Variants in FOXJ3 observed in about 807,000 individuals in gnomAD.
FOXJ3 encodes the protein forkhead box J3.
Under a neutral mutation model 76.1 loss-of-function variants are expected in FOXJ3, and 22 were observed. The observed-to-expected ratio is 0.29, with a 90% CI of 0.21 to 0.41. The LOEUF is 0.41. Among genes scored for constraint, FOXJ3 ranks in the 10% least tolerant of loss-of-function variants. The pLI is 1.00. For missense variants in FOXJ3, 613 were observed against 762.1 expected, an observed-to-expected ratio of 0.80 and a Z score of 2.30; for synonymous variants, 269 against 261.2, an observed-to-expected ratio of 1.03 and a Z score of -0.29.
chr1:42,310,510 C>T (rs928040275), intron 2 of FOXJ3, among the ~76,000 whole-genome samples: 28 of 150,064 alleles, frequency 1.9e-4, no homozygotes, highest in Non-Finnish European at 8.9e-5. Context: ...TGCAGTGGCA[C>T]GATCTCAGCT....
chr1:42,206,923 C>T (rs1177273353), intron 5 of FOXJ3, among the ~76,000 whole-genome samples: 2 of 152,026 alleles, frequency 1.3e-5, no homozygotes, highest in African/African-American at 4.8e-5. Flanking sequence ...CTTCACCTCC[C>T]ATGCTCAAGC....
chr1:42,321,261 C>G (rs1238367842), intron 1 of FOXJ3, among the ~76,000 whole-genome samples: 1 of 152,082 alleles, frequency 6.6e-6, no homozygotes, highest in Admixed American at 6.6e-5. Flanking sequence ...ACAACGGTTT[C>G]CTATCATTTG....
chr1:42,211,182 C>G (rs1251525942), intron 5 of FOXJ3, among the ~76,000 whole-genome samples: 1 of 152,150 alleles, frequency 6.6e-6, no homozygotes, highest in Admixed American at 6.5e-5. Context: ...GTAGACACAG[C>G]TGGGGCCTCT....
intron 4 of FOXJ3, among the ~76,000 whole-genome samples, chr1:42,241,263 C>A (rs1649119773): frequency 1.3e-5 from 2 of 152,186 alleles, no homozygotes; most frequent in African/African-American, 4.8e-5. Flanking sequence ...TAAGAACTGC[C>A]TGCAGCTGCA....
intron 6 of FOXJ3, among the ~76,000 whole-genome samples, chr1:42,202,585 A>C (rs1646784096): frequency 6.6e-6 from 1 of 152,198 alleles, no homozygotes. Context: ...AATCTCTTGA[A>C]ATGATAATTG....
At chr1:42,267,931 C>T (rs1349515452) in intron 3 of FOXJ3, among the ~76,000 whole-genome samples, 4 of 151,872 alleles carry the variant, frequency 2.6e-5, no homozygotes, top group Non-Finnish European at 5.9e-5. Flanking sequence ...CAAACAGAGA[C>T]TGGCACATTC....
chr1:42,330,167 A>T (rs1027594714), intron 1 of FOXJ3, among the ~76,000 whole-genome samples: 43 of 152,208 alleles, frequency 2.8e-4, no homozygotes, highest in African/African-American at 9.6e-4. Context: ...GAGTACTTAG[A>T]ACACTTTTAG....
At chr1:42,297,068 G>GT (rs1474649980) in intron 2 of FOXJ3, among the ~76,000 whole-genome samples, 3 of 152,120 alleles carry the variant, frequency 2.0e-5, no homozygotes, top group Non-Finnish European at 4.4e-5. Flanking sequence ...GTGTGTGTGT[G>GT]TGTCTACTGT....
intron 3 of FOXJ3, among the ~76,000 whole-genome samples, chr1:42,274,769 T>G (rs1325047677): frequency 6.6e-6 from 1 of 152,020 alleles, no homozygotes; most frequent in African/African-American, 2.4e-5. Context: ...AACTCTAAGT[T>G]TATAATACTG....
intron 4 of FOXJ3, among the ~76,000 whole-genome samples, chr1:42,231,076 AG>A (rs1273129223): frequency 2.6e-5 from 4 of 152,076 alleles, no homozygotes; most frequent in African/African-American, 9.7e-5. Context: ...ACACTTTGGG[AG>A]GCCAAGGCAG....
intron 3 of FOXJ3, among the ~76,000 whole-genome samples, chr1:42,274,564 C>T (rs1319608336): frequency 6.6e-6 from 1 of 152,160 alleles, no homozygotes; most frequent in East Asian, 1.9e-4. Flanking sequence ...TACTTAACTT[C>T]TCTAATTCTC....
At chr1:42,183,663 T>C (rs1285666640) in intron 11 of FOXJ3, among the ~76,000 whole-genome samples, 1 of 152,024 alleles carries the variant, frequency 6.6e-6, no homozygotes, top group Non-Finnish European at 1.5e-5. Flanking sequence ...AATGTTGTAA[T>C]GAAACTAAAA....
At chr1:42,319,213 A>G (rs1655294006) in intron 1 of FOXJ3, among the ~76,000 whole-genome samples, 2 of 136,128 alleles carry the variant, frequency 1.5e-5, no homozygotes, top group Non-Finnish European at 3.2e-5. Flanking sequence ...TCAGCGACAC[A>G]GCAAGACCCT....
intron 3 of FOXJ3, among the ~76,000 whole-genome samples, chr1:42,266,880 C>T (rs1286394779): frequency 1.8e-4 from 27 of 152,106 alleles, no homozygotes; most frequent in Admixed American, 1.8e-3. Flanking sequence ...AGAATGGAAA[C>T]AAAACCCTGG....
intron 4 of FOXJ3, among the ~76,000 whole-genome samples, chr1:42,247,843 A>C (rs1446302812): frequency 6.6e-6 from 1 of 152,210 alleles, no homozygotes; most frequent in African/African-American, 2.4e-5. Flanking sequence ...TTCAAAGTAC[A>C]AACAATCTAA....
chr1:42,332,764 T>A (rs755452436), intron 1 of FOXJ3, among the ~76,000 whole-genome samples: 1 of 152,220 alleles, frequency 6.6e-6, no homozygotes, highest in Non-Finnish European at 1.5e-5. Flanking sequence ...CTCCTTGATA[T>A]CATTTGTACA....
At chr1:42,306,523 C>T (rs1385014667) in intron 2 of FOXJ3, among the ~76,000 whole-genome samples, 1 of 151,906 alleles carries the variant, frequency 6.6e-6, no homozygotes, top group Non-Finnish European at 1.5e-5. Flanking sequence ...AGGCTGGTCT[C>T]GAACTCCTGA....
In FOXJ3 at chr1:42,177,074, C is replaced by G. The variant is rs1197096801; in HGVS notation, c.*2636G>C. 6.6e-6 allele frequency: 1 copy of G among 152,568 alleles called. No homozygotes were observed. Among genetic ancestry groups the G allele is most frequent in the Admixed American group, 6.5e-5 (1 of 15,278 alleles). 9.5% of individuals were successfully genotyped at this position (152,568 alleles called of 1,614,324 possible). A position where few individuals can be genotyped will look rare whatever the true frequency, so the allele number is the denominator to read the frequency against. Reference sequence around the variant, plus strand: ...CAGTCAATTTAAGCCCAAGACAGAACTTGTTCTGCATTAGCAACTACCATA... The same window carrying G: ...CAGTCAATTTAAGCCCAAGACAGAAGTTGTTCTGCATTAGCAACTACCATA... On this transcript the variant is annotated 3_prime_UTR_variant, in exon 13 of 13. Coordinates refer to ENST00000361346, the MANE Select transcript of FOXJ3 (RefSeq NM_014947.5).
chr1:42,181,868 CA>C, intron 12 of FOXJ3, 48 bp downstream of exon 12: 1 of 877,804 alleles, frequency 1.1e-6, no homozygotes, highest in East Asian at 2.9e-5. Flanking sequence ...GGAGTGCTCA[CA>C]CACACACACA....
Sources: gnomAD v4.1 joint callset for allele counts (sites outside exome capture counted in the v4.1 genomes callset) on GRCh38, gnomAD v4.1.1 for gene constraint, MANE v1.5 for transcripts, NCBI Gene and HGNC (gene_info 2026-07-23, HGNC 2026-07-21) for gene names.